Variants in RGS6 observed in about 807,000 individuals in gnomAD.
The protein encoded by RGS6 is regulator of G protein signaling 6, also known as regulator of G-protein signaling 6.
Under a neutral mutation model 78.5 loss-of-function variants are expected in RGS6, and 30 were observed. The observed-to-expected ratio is 0.38, with a 90% CI of 0.29 to 0.52. RGS6 has a LOEUF of 0.52. Among genes scored for constraint, RGS6 ranks in the 20% least tolerant of loss-of-function variants. The pLI, the probability that RGS6 is intolerant of heterozygous loss-of-function variation, is 0.85. For missense variants in RGS6, 495 were observed against 609.7 expected, an observed-to-expected ratio of 0.81 and a Z score of 1.98; for synonymous variants, 206 against 206.0, an observed-to-expected ratio of 1.00 and a Z score of 0.00.
At chr14:71,912,974 C>T in the RGS6 span, among the ~76,000 whole-genome samples, 8 of 151,972 alleles carry the variant, frequency 5.3e-5, no homozygotes, top group Non-Finnish European at 1.0e-4. Context: ...TACAGGTGCC[C>T]ACCACCACAC....
At chr14:72,200,985 A>G (rs867022460) in intron 2 of RGS6, among the ~76,000 whole-genome samples, 2,474 of 149,276 alleles carry the variant, frequency 0.017, 35 homozygotes, top group East Asian at 0.059. Flanking sequence ...AAAAAAAAAA[A>G]AAGAAGAAGA....
At chr14:72,574,603 G>C in the RGS6 span, among the ~76,000 whole-genome samples, 1 of 152,352 alleles carries the variant, frequency 6.6e-6, no homozygotes, top group East Asian at 1.9e-4. Context: ...TTGAGTGAAA[G>C]TGGTTCTTGT....
At chr14:72,130,306 T>C (rs1017231431) in intron 2 of RGS6, among the ~76,000 whole-genome samples, 4 of 152,166 alleles carry the variant, frequency 2.6e-5, no homozygotes, top group Admixed American at 6.5e-5. Flanking sequence ...CTGAACCCCA[T>C]TGTTCAAGAG....
At chr14:72,477,028 C>A (rs1452696814) in intron 11 of RGS6, 188 bp downstream of exon 11, 2 of 577,622 alleles carry the variant, frequency 3.5e-6, no homozygotes, top group East Asian at 3.0e-5. Context: ...AGAAAGAATT[C>A]TCTACCCAGT....
chr14:72,102,317 C>A (rs74248116), intron 2 of RGS6, among the ~76,000 whole-genome samples: 2 of 151,998 alleles, frequency 1.3e-5, no homozygotes, highest in South Asian at 4.2e-4. Flanking sequence ...AATACATTTA[C>A]ATAAACAATA....
rs536389848 is a variant in RGS6 at position 72,395,537 on chromosome 14, A to AT, written c.184+43351dup. On this transcript the variant is annotated intron_variant, in intron 3 of 17. Transcript: ENST00000553525. ...ATTTTTTTTACTATCCAACATAATT[A>AT]TTTTTTTTATTATACTTTAAGTTTT... is the stretch of plus-strand genomic sequence containing the variant. Among the ~76,000 whole-genome samples the AT allele has an allele frequency of 4.6e-5, 7 of 151,746 alleles. No homozygotes were observed. The East Asian group carries it at 7.7e-4, about 17-fold the overall frequency.
the RGS6 span, among the ~76,000 whole-genome samples, chr14:72,602,939 A>T: frequency 3.9e-5 from 6 of 152,218 alleles, no homozygotes; most frequent in Non-Finnish European, 7.3e-5. Flanking sequence ...GAGGAAGATA[A>T]AGAAAAAGAA....
the RGS6 span, among the ~76,000 whole-genome samples, chr14:72,584,921 T>C: frequency 1.3e-5 from 2 of 152,090 alleles, no homozygotes; most frequent in Non-Finnish European, 2.9e-5. Context: ...TCTGGAGGAT[T>C]GCATTGAACC....
At chr14:72,535,926 A>G (rs1380535896) in intron 15 of RGS6, among the ~76,000 whole-genome samples, 1 of 152,164 alleles carries the variant, frequency 6.6e-6, no homozygotes, top group Admixed American at 6.5e-5. Flanking sequence ...GCACCCCAAC[A>G]TGGCACCCAA....
chr14:72,402,461 C>T (rs1290374968), intron 3 of RGS6, among the ~76,000 whole-genome samples: 1 of 152,078 alleles, frequency 6.6e-6, no homozygotes, highest in African/African-American at 2.4e-5. Flanking sequence ...ACAGACATTT[C>T]TCAAAAGTAA....
rs2096504251 is a variant in RGS6 at position 72,139,525 on chromosome 14, G to A, written c.84+174650G>A. Among the ~76,000 whole-genome samples the A allele has an allele frequency of 3.9e-5, 6 of 152,186 alleles. No homozygotes were observed. In the South Asian group the frequency reaches 8.3e-4, roughly 21 times the overall value. On this transcript the variant is annotated intron_variant, in intron 2 of 17. Transcript: ENST00000553525. ...GTAAGAACTTGCTCCATGTGGGAAA[G>A]CATAATTATTTTGGTTTCTGAGTTT... is the stretch of plus-strand genomic sequence containing the variant.
chr14:72,077,321 AG>A (rs1418699758), intron 2 of RGS6, among the ~76,000 whole-genome samples: 1 of 152,168 alleles, frequency 6.6e-6, no homozygotes. Context: ...CTATATAAAA[AG>A]GATGTTAATT....
At chr14:72,260,026 A>T (rs535829653) in intron 2 of RGS6, among the ~76,000 whole-genome samples, 3 of 152,144 alleles carry the variant, frequency 2.0e-5, no homozygotes, top group Non-Finnish European at 2.9e-5. Flanking sequence ...ATCCATTCCA[A>T]TTGCTCTTTA....
chr14:71,921,813 A>C, the RGS6 span, among the ~76,000 whole-genome samples: 1 of 152,246 alleles, frequency 6.6e-6, no homozygotes, highest in African/African-American at 2.4e-5. Flanking sequence ...TGAATGCCTC[A>C]TAAGAGGGAC....
chr14:71,869,969 C>A, the RGS6 span, among the ~76,000 whole-genome samples: 1 of 152,206 alleles, frequency 6.6e-6, no homozygotes, highest in South Asian at 2.1e-4. Flanking sequence ...TATTGGACTT[C>A]TCATCCTCCA....
At chr14:72,227,827 G>A (rs772508114) in intron 2 of RGS6, among the ~76,000 whole-genome samples, 17 of 152,252 alleles carry the variant, frequency 1.1e-4, no homozygotes, top group Non-Finnish European at 2.5e-4. Context: ...ACTTCTATTA[G>A]CTGTGGCTTG....
chr14:72,503,069 T>C (rs534888356), intron 13 of RGS6, among the ~76,000 whole-genome samples: 1 of 152,320 alleles, frequency 6.6e-6, no homozygotes, highest in East Asian at 1.9e-4. Context: ...AAGGTCGAGA[T>C]GCCACAGATT....
At chr14:71,979,272 GC>G (rs2094321012) in intron 2 of RGS6, among the ~76,000 whole-genome samples, 1 of 148,970 alleles carries the variant, frequency 6.7e-6, no homozygotes, top group South Asian at 2.2e-4. Context: ...CTTCATTTCT[GC>G]TCTGATTTTA....
intron 2 of RGS6, among the ~76,000 whole-genome samples, chr14:72,226,643 T>A (rs2048177098): frequency 6.6e-6 from 1 of 152,174 alleles, no homozygotes; most frequent in Admixed American, 6.5e-5. Context: ...AGCCCACATA[T>A]CCTGAATCGG....
Sources: allele counts gnomAD v4.1 joint callset (sites outside exome capture counted in the v4.1 genomes callset), GRCh38; gene constraint gnomAD v4.1.1; transcripts MANE v1.5; gene names NCBI Gene and HGNC (gene_info 2026-07-23, HGNC 2026-07-21).